SLFN12L: variants seen among roughly 807,000 people sequenced by gnomAD.
The protein encoded by SLFN12L is schlafen family member 12 like.
A neutral mutation model predicts 34.8 loss-of-function variants in SLFN12L; 34 were observed. That is an observed-to-expected ratio of 0.98 (90% CI 0.74 to 1.30). The LOEUF (loss-of-function observed/expected upper bound fraction) is 1.30, where lower values mean the gene tolerates loss of function less well. Ranked by LOEUF, SLFN12L falls within the 50% of genes most tolerant of loss-of-function variation. The pLI is 0.00. For synonymous variants in SLFN12L, 259 were observed against 247.5 expected (o/e 1.05, Z -0.44); for missense variants, 703 against 696.2 (o/e 1.01, Z -0.11).
rs1247880714 is a variant in SLFN12L at position 35,491,078 on chromosome 17, T to C, written c.87-10883A>G. The C allele has an allele frequency of 5.1e-6, 4 of 781,086 alleles. No individual in the cohort carries two copies. The Admixed American group carries it at 6.9e-5, about 13-fold the overall frequency. 48.4% of individuals were successfully genotyped at this position (781,086 alleles called of 1,614,324 possible). A position where few individuals can be genotyped will look rare whatever the true frequency, so the allele number is the denominator to read the frequency against. ...TCCTTCTAATCCTCTAGTATGACCA[T>C]TTGTGAACTTACTGCCTCCCCTGCT... On this transcript the variant is annotated intron_variant, in intron 2 of 4. Coordinates refer to ENST00000628453, the MANE Select transcript of SLFN12L (RefSeq NM_001363830.2).
chr17:35,471,895 A>G lies in SLFN12L; in HGVS notation c.*3028T>C, dbSNP rs1248705593. Among the ~76,000 whole-genome samples the G allele has an allele frequency of 2.0e-5, 3 of 151,840 alleles. No individual in the cohort carries two copies. Among genetic ancestry groups the G allele is most frequent in the African/African-American group, 4.8e-5 (2 of 41,326 alleles). Reference sequence around the variant, plus strand: ...AAATGTCTATTCATATCCTTTATCCACTTTTCAATGGGGTTGTTTTTTCCT... The same window carrying G: ...AAATGTCTATTCATATCCTTTATCCGCTTTTCAATGGGGTTGTTTTTTCCT... On this transcript the variant is annotated 3_prime_UTR_variant, in exon 5 of 5. Transcript: ENST00000628453.
At chr17:35,476,097 A>T (rs924179808) in intron 4 of SLFN12L, among the ~76,000 whole-genome samples, 6 of 152,042 alleles carry the variant, frequency 3.9e-5, no homozygotes, top group African/African-American at 1.4e-4. Flanking sequence ...TTTCCATATC[A>T]CAGCATGGGT....
chr17:35,497,556 C>A (rs1206788648), intron 2 of SLFN12L, among the ~76,000 whole-genome samples: 1 of 152,128 alleles, frequency 6.6e-6, no homozygotes, highest in Non-Finnish European at 1.5e-5. Flanking sequence ...TCCATTATAA[C>A]CCAATTTAGT....
At chr17:35,496,021 C>G (rs966528614) in intron 2 of SLFN12L, among the ~76,000 whole-genome samples, 5 of 151,808 alleles carry the variant, frequency 3.3e-5, no homozygotes, top group South Asian at 2.1e-4. Context: ...AAACCGAGAC[C>G]GATGCTGAGG....
Position 35,474,946 on chromosome 17 carries a change from A to G in SLFN12L, c.1816T>C (p.Phe606Leu). 2 of 1,549,274 alleles carry G rather than the reference A, an allele frequency of 1.3e-6. No individual in the cohort carries two copies. The highest frequency in any genetic ancestry group is 1.7e-6 in the Non-Finnish European group (2 of 1,146,412). The change falls in exon 5 of 5, where the codon TTT becomes CTT. Residue 606 changes from phenylalanine (F) to leucine (L), a missense_variant. By Grantham distance (22) the Phe-to-Leu change is conservative. Coordinates refer to ENST00000628453, the MANE Select transcript of SLFN12L (RefSeq NM_001363830.2). ...LFRFCLFVCW[F>L]VCFFLR ...ACTCATCTCAAGAAAAAACAAACAA[A>G]CCAACAAACAAACAAACAAAAACGA...
intron 1 of SLFN12L, among the ~76,000 whole-genome samples, chr17:35,537,044 C>G (rs536378999): frequency 6.4e-4 from 97 of 152,082 alleles, no homozygotes; most frequent in African/African-American, 2.3e-3. Flanking sequence ...GGCACCCTCA[C>G]GCTCAGTGCC....
chr17:35,522,602 C>G lies in SLFN12L; in HGVS notation c.-238G>C. ...GCAAAACTATAGGACGCAGGGTAAT[C>G]CATCGGAGACACTGCAGCCTCCAAA... On this transcript the variant is annotated 5_prime_UTR_variant, in exon 2 of 5. Coordinates refer to ENST00000628453, the MANE Select transcript of SLFN12L (RefSeq NM_001363830.2). 1 of 1,609,792 alleles carries G rather than the reference C, an allele frequency of 6.2e-7. No homozygotes were observed. The highest frequency in any genetic ancestry group is 1.7e-5 in the Admixed American group (1 of 59,346).
intron 2 of SLFN12L, among the ~76,000 whole-genome samples, chr17:35,502,441 A>C (rs915074865): frequency 1.3e-5 from 2 of 150,634 alleles, no homozygotes; most frequent in African/African-American, 2.4e-5. Flanking sequence ...AAAAAAAAAA[A>C]AACGATGATT....
At chr17:35,502,918 G>T (rs988735228) in intron 2 of SLFN12L, among the ~76,000 whole-genome samples, 5 of 152,222 alleles carry the variant, frequency 3.3e-5, no homozygotes, top group Non-Finnish European at 7.4e-5. Context: ...TTTAAAGAAA[G>T]AAATGTTTGT....
Position 35,465,030 on chromosome 17 carries a change from C to T in SLFN12L, c.*9893G>A, listed in dbSNP as rs1913699974. On this transcript the variant is annotated 3_prime_UTR_variant, in exon 5 of 5. Coordinates refer to ENST00000628453, the MANE Select transcript of SLFN12L (RefSeq NM_001363830.2). Reference sequence around the variant, plus strand: ...TAGCTGGGACTACGGGAGCACACCACCACATCCAGCTAATTTTTGTATTTT... The same window carrying T: ...TAGCTGGGACTACGGGAGCACACCATCACATCCAGCTAATTTTTGTATTTT... Among the ~76,000 whole-genome samples the T allele has an allele frequency of 6.6e-6, 1 of 152,142 alleles. No individual in the cohort carries two copies. Among genetic ancestry groups the T allele is most frequent in the Non-Finnish European group, 1.5e-5 (1 of 68,020 alleles).
intron 4 of SLFN12L, among the ~76,000 whole-genome samples, chr17:35,475,920 TA>T (rs1432123117): frequency 6.9e-6 from 1 of 145,952 alleles, no homozygotes; most frequent in African/African-American, 2.5e-5. Context: ...TACATATATA[TA>T]TATTTTTTTA....
chr17:35,495,618 C>G (rs933734189), intron 2 of SLFN12L, among the ~76,000 whole-genome samples: 1 of 152,076 alleles, frequency 6.6e-6, no homozygotes, highest in African/African-American at 2.4e-5. Context: ...TTCTTTGGCT[C>G]TCCCCGGGGT....
At chr17:35,498,664 T>C in intron 2 of SLFN12L, 1 of 1,599,176 alleles carries the variant, frequency 6.3e-7, no homozygotes, top group Non-Finnish European at 8.5e-7. Context: ...CAGGACATCC[T>C]ATCTAACTTC....
At chr17:35,502,558 C>T (rs886799179) in intron 2 of SLFN12L, among the ~76,000 whole-genome samples, 3 of 150,614 alleles carry the variant, frequency 2.0e-5, no homozygotes, top group Non-Finnish European at 4.4e-5. Context: ...GAACTCCCTT[C>T]AGGACAGGAT....
intron 2 of SLFN12L, chr17:35,515,174 C>T (rs1028408413): frequency 2.6e-5 from 16 of 615,074 alleles, no homozygotes; most frequent in Non-Finnish European, 4.7e-5. Context: ...GCGATGGCTC[C>T]GTTCCGACCC....
At chr17:35,495,941 AC>A (rs1915050928) in intron 2 of SLFN12L, among the ~76,000 whole-genome samples, 2 of 145,710 alleles carry the variant, frequency 1.4e-5, no homozygotes, top group South Asian at 2.2e-4. Context: ...ACACACACAC[AC>A]ACACAACAAA....
chr17:35,496,259 G>A (rs970791201), intron 2 of SLFN12L, among the ~76,000 whole-genome samples: 1 of 151,942 alleles, frequency 6.6e-6, no homozygotes, highest in Admixed American at 6.6e-5. Context: ...CGAAATGGGC[G>A]AATCTTATGA....
At chr17:35,515,520 G>A (rs1915789900) in intron 2 of SLFN12L, among the ~76,000 whole-genome samples, 2 of 151,940 alleles carry the variant, frequency 1.3e-5, no homozygotes, top group South Asian at 4.2e-4. Context: ...CCAGGTTGGA[G>A]TGCAGTGGCG....
intron 2 of SLFN12L, among the ~76,000 whole-genome samples, chr17:35,501,797 T>C (rs1915303214): frequency 6.6e-6 from 1 of 152,142 alleles, no homozygotes; most frequent in Non-Finnish European, 1.5e-5. Context: ...GTCCCTTGTT[T>C]CAAAGGTATG....
Sources: gnomAD v4.1 joint callset for allele counts (sites outside exome capture counted in the v4.1 genomes callset) on GRCh38, gnomAD v4.1.1 for gene constraint, MANE v1.5 for transcripts, NCBI Gene and HGNC (gene_info 2026-07-23, HGNC 2026-07-21) for gene names.